The following KLHL29 variants were observed in gnomAD, a reference collection of about 807,000 sequenced individuals.
The protein encoded by KLHL29 is kelch-like protein 29.
Under a neutral mutation model 80.4 loss-of-function variants are expected in KLHL29, and 21 were observed. The ratio of observed to expected loss-of-function variants is 0.26; its 90% CI spans 0.19 to 0.38. The LOEUF (loss-of-function observed/expected upper bound fraction) is 0.38, where lower values mean the gene tolerates loss of function less well. Ranked by LOEUF, KLHL29 falls within the 10% of genes least tolerant of loss-of-function variation. The pLI is 1.00. For missense variants in KLHL29, 867 were observed against 1,223.9 expected (o/e 0.71, Z 4.35); for synonymous variants, 511 against 526.8 (o/e 0.97, Z 0.41).
intron 2 of KLHL29, among the ~76,000 whole-genome samples, chr2:23,528,336 GTGTGGGATTGGGTGT>G (rs1666387911): frequency 6.6e-6 from 1 of 152,194 alleles, no homozygotes; most frequent in South Asian, 2.1e-4. Context: ...CTGGAGGTGG[GTGTGGGATTGGGTGT>G]TGTGGGGCGA....
chr2:23,511,548 G>A (rs956425604), intron 2 of KLHL29, among the ~76,000 whole-genome samples: 2 of 152,194 alleles, frequency 1.3e-5, no homozygotes, highest in Non-Finnish European at 2.9e-5. Flanking sequence ...CGAGGCTGAG[G>A]GTTAGCTGTG....
chr2:23,514,313 G>A (rs1665860947), intron 2 of KLHL29, among the ~76,000 whole-genome samples: 1 of 152,198 alleles, frequency 6.6e-6, no homozygotes, highest in Non-Finnish European at 1.5e-5. Flanking sequence ...ATTGGAGAGA[G>A]ACCTGGGCAG....
intron 2 of KLHL29, among the ~76,000 whole-genome samples, chr2:23,519,028 G>A (rs960701533): frequency 1.3e-5 from 2 of 152,070 alleles, no homozygotes; most frequent in South Asian, 2.1e-4. Flanking sequence ...GCTGCCAGGC[G>A]GCATGTGGAG....
chr2:23,509,281 C>A (rs1315651998), intron 2 of KLHL29, among the ~76,000 whole-genome samples: 1 of 152,172 alleles, frequency 6.6e-6, no homozygotes, highest in Non-Finnish European at 1.5e-5. Flanking sequence ...AGGCAAATGA[C>A]ACCCAGCTGA....
intron 3 of KLHL29, among the ~76,000 whole-genome samples, chr2:23,630,631 C>T (rs1669444868): frequency 6.6e-6 from 1 of 152,050 alleles, no homozygotes; most frequent in African/African-American, 2.4e-5. Context: ...ACTACAGGCA[C>T]ACACCACCAC....
chr2:23,452,156 C>T (rs1663897801), intron 1 of KLHL29, among the ~76,000 whole-genome samples: 1 of 151,348 alleles, frequency 6.6e-6, no homozygotes. Flanking sequence ...GGACCACAAG[C>T]ATGTCCCACC....
rs779007488 is a variant in KLHL29, at chr2:23,693,261, G to A, written c.1283-8G>A. ...TTTGGGTCAGTGGTCCTGCGCTGTC[G>A]CCCCCAGAGAAGCAGCTGACGGCCA... is the stretch of plus-strand genomic sequence containing the variant. On this transcript the variant is annotated splice_region_variant and splice_polypyrimidine_tract_variant and intron_variant, in intron 7 of 13. Coordinates refer to ENST00000486442, the MANE Select transcript of KLHL29 (RefSeq NM_052920.2). 24 of 1,538,860 alleles carry A rather than the reference G, an allele frequency of 1.6e-5. No homozygotes were observed. In the East Asian group the frequency reaches 3.2e-4, roughly 21 times the overall value.
chr2:23,425,087 CT>C (rs1283857324), intron 1 of KLHL29, among the ~76,000 whole-genome samples: 19 of 152,204 alleles, frequency 1.2e-4, no homozygotes, highest in African/African-American at 3.1e-4. Flanking sequence ...TGAAATGTGT[CT>C]TTATATATAA....
intron 1 of KLHL29, among the ~76,000 whole-genome samples, chr2:23,395,573 G>C (rs148686751): frequency 6.6e-6 from 1 of 151,936 alleles, no homozygotes; most frequent in Non-Finnish European, 1.5e-5. Flanking sequence ...GGTGAAACCC[G>C]GTCTCTACCA....
intron 5 of KLHL29, among the ~76,000 whole-genome samples, chr2:23,665,188 C>T (rs1670519768): frequency 6.6e-6 from 1 of 152,196 alleles, no homozygotes; most frequent in East Asian, 1.9e-4. Context: ...GCCTGTGTAT[C>T]CTGACACCAC....
At chr2:23,588,446 T>C (rs945273130) in intron 3 of KLHL29, among the ~76,000 whole-genome samples, 3 of 152,168 alleles carry the variant, frequency 2.0e-5, no homozygotes, top group African/African-American at 7.2e-5. Flanking sequence ...TGGAGACACA[T>C]GCTTCAGCCA....
chr2:23,512,332 CTACT>C (rs994172658), intron 2 of KLHL29, among the ~76,000 whole-genome samples: 1 of 151,952 alleles, frequency 6.6e-6, no homozygotes, highest in African/African-American at 2.4e-5. Context: ...GTAATCCCAG[CTACT>C]TGGGAGGCTG....
At chr2:23,655,554 C>T (rs751488093) in intron 5 of KLHL29, among the ~76,000 whole-genome samples, 58 of 152,274 alleles carry the variant, frequency 3.8e-4, no homozygotes, top group Non-Finnish European at 6.8e-4. Context: ...GCCAGCCATT[C>T]TTGTTCTTAG....
At chr2:23,511,414 C>T (rs1250963746) in intron 2 of KLHL29, among the ~76,000 whole-genome samples, 1 of 152,124 alleles carries the variant, frequency 6.6e-6, no homozygotes, top group South Asian at 2.1e-4. Context: ...AGTTGGAGGG[C>T]GCAGACCAAA....
chr2:23,457,247 A>C lies in KLHL29; in HGVS notation c.-153-18313A>C, dbSNP rs547097204. Among the ~76,000 whole-genome samples the C allele has an allele frequency of 6.6e-6, 1 of 152,288 alleles. No individual in the cohort carries two copies. The highest frequency in any genetic ancestry group is 2.4e-5 in the African/African-American group (1 of 41,566). On this transcript the variant is annotated intron_variant, in intron 1 of 13. Transcript: ENST00000486442. This position sits in a 1 kb window ranked among gnomAD's most constrained non-coding sequence, Gnocchi z 4.3. ...ACTGGTGTAGGATGATGTTTGACCA[A>C]TGCTGAACTCATATGGGCTCTGAGC...
chr2:23,659,214 C>T (rs1194786843), intron 5 of KLHL29, among the ~76,000 whole-genome samples: 1 of 152,208 alleles, frequency 6.6e-6, no homozygotes, highest in East Asian at 1.9e-4. Flanking sequence ...TGGAGTTGTG[C>T]AGTGTGCAAC....
At chr2:23,633,348 A>G (rs1276063962) in intron 3 of KLHL29, among the ~76,000 whole-genome samples, 1 of 152,202 alleles carries the variant, frequency 6.6e-6, no homozygotes, top group Non-Finnish European at 1.5e-5. Flanking sequence ...GCTGCCCCTA[A>G]TCCTCTACAG....
At chr2:23,585,249 A>G (rs1032547563) in intron 3 of KLHL29, among the ~76,000 whole-genome samples, 1 of 152,236 alleles carries the variant, frequency 6.6e-6, no homozygotes, top group Non-Finnish European at 1.5e-5. Flanking sequence ...GGCAGCTGAA[A>G]TCGGTATAAG....
intron 2 of KLHL29, among the ~76,000 whole-genome samples, chr2:23,539,174 C>T (rs571238998): frequency 6.7e-6 from 1 of 149,718 alleles, no homozygotes; most frequent in South Asian, 2.2e-4. Context: ...ACCCTGGATC[C>T]CTGAGTCCTG....
Sources: gnomAD v4.1 joint callset for allele counts (sites outside exome capture counted in the v4.1 genomes callset) on GRCh38, gnomAD v4.1.1 for gene constraint, Gnocchi (gnomAD v3.1) non-coding constraint, MANE v1.5 for transcripts, NCBI Gene and HGNC (gene_info 2026-07-23, HGNC 2026-07-21) for gene names.